IQGAP2: variants seen among roughly 807,000 people sequenced by gnomAD.
IQGAP2 encodes the protein IQ motif containing GTPase activating protein 2.
In IQGAP2, 173 loss-of-function variants were observed where a neutral mutation model predicts 201.3. That is an observed-to-expected ratio of 0.86 (90% CI 0.76 to 0.98). The LOEUF is 0.98. Among genes scored for constraint, IQGAP2 ranks in the 50% least tolerant of loss-of-function variants. The pLI, the probability that IQGAP2 is intolerant of heterozygous loss-of-function variation, is 0.00. For missense variants in IQGAP2, 1,687 were observed against 1,864.8 expected, an observed-to-expected ratio of 0.90 and a Z score of 1.76; for synonymous variants, 675 against 673.9, an observed-to-expected ratio of 1.00 and a Z score of -0.03.
chr5:76,479,395 G>A (rs1451251211), intron 2 of IQGAP2, among the ~76,000 whole-genome samples: 1 of 152,062 alleles, frequency 6.6e-6, no homozygotes, highest in Non-Finnish European at 1.5e-5. Flanking sequence ...CTGTTGGATA[G>A]CCTTTGAATG....
At chr5:76,652,475 A>G (rs1055668688) in intron 17 of IQGAP2, among the ~76,000 whole-genome samples, 1 of 152,198 alleles carries the variant, frequency 6.6e-6, no homozygotes, top group Non-Finnish European at 1.5e-5. Context: ...GGGCCTTGGT[A>G]AAGTTAAGCT....
chr5:76,651,524 G>C (rs1046966497), intron 17 of IQGAP2, among the ~76,000 whole-genome samples: 11 of 152,174 alleles, frequency 7.2e-5, no homozygotes, highest in African/African-American at 2.7e-4. Context: ...GATCAGTTGA[G>C]CCCAGGAGGT....
intron 32 of IQGAP2, among the ~76,000 whole-genome samples, chr5:76,696,029 C>T (rs992174435): frequency 5.3e-5 from 8 of 151,638 alleles, no homozygotes; most frequent in African/African-American, 1.5e-4. Context: ...TTAGTAGAGA[C>T]GGGGTTTCAC....
chr5:76,689,121 G>A (rs565501276), intron 30 of IQGAP2, among the ~76,000 whole-genome samples: 303 of 151,596 alleles, frequency 2.0e-3, no homozygotes, highest in Non-Finnish European at 3.6e-3. Flanking sequence ...GGCACATATC[G>A]GAGTAGGAAG....
rs76969253 is a variant in IQGAP2 at position 76,411,134 on chromosome 5, G to A, written c.46+7543G>A. ...GCCTGTGACGGGGTCTGCAGTCTGAGTTTTAATAGGCCCTCCAGGTGATTC... is the reference window on the plus strand; with the variant it reads ...GCCTGTGACGGGGTCTGCAGTCTGAATTTTAATAGGCCCTCCAGGTGATTC... On this transcript the variant is annotated intron_variant, in intron 1 of 35. Transcript: ENST00000274364. Among the ~76,000 whole-genome samples, 28 of 152,312 alleles carry A rather than the reference G, an allele frequency of 1.8e-4. No individual in the cohort carries two copies. In the East Asian group the frequency reaches 5.0e-3, roughly 27 times the overall value.
chr5:76,667,612 C>T (rs934652101), intron 22 of IQGAP2, among the ~76,000 whole-genome samples: 61 of 152,122 alleles, frequency 4.0e-4, no homozygotes, highest in Admixed American at 3.5e-3. Context: ...CAGGGTTCCA[C>T]GTCCATTTTA....
Position 76,403,440 on chromosome 5 carries a change from G to C in IQGAP2, c.-106G>C. 1 of 831,038 alleles carries C rather than the reference G, an allele frequency of 1.2e-6. No individual in the cohort carries two copies. The highest frequency in any genetic ancestry group is 1.7e-6 in the Non-Finnish European group (1 of 604,614). 51.5% of individuals were successfully genotyped at this position (831,038 alleles called of 1,614,324 possible). A position where few individuals can be genotyped will look rare whatever the true frequency, so the allele number is the denominator to read the frequency against. On this transcript the variant is annotated 5_prime_UTR_variant, in exon 1 of 36. Transcript: ENST00000274364. The surrounding 1 kb of genome is among the most constrained non-coding windows in gnomAD (Gnocchi z 4.8). The stretch of plus-strand genomic sequence containing the variant: ...CTTCGGGCGGCTAGGGGAAATCGGC[G>C]AGAGGCGGGATCCGAGCGCGCCGGC...
intron 2 of IQGAP2, among the ~76,000 whole-genome samples, chr5:76,551,065 C>T (rs1271884707): frequency 4.0e-5 from 6 of 149,556 alleles, no homozygotes; most frequent in East Asian, 4.0e-4. Context: ...GGCTGCCGGG[C>T]GGAGGGGCTC....
chr5:76,428,879 G>A (rs1030017907), intron 1 of IQGAP2, among the ~76,000 whole-genome samples: 2 of 151,712 alleles, frequency 1.3e-5, no homozygotes, highest in African/African-American at 4.8e-5. Flanking sequence ...GATCACCTGA[G>A]GTCAGGAGTT....
intron 1 of IQGAP2, among the ~76,000 whole-genome samples, chr5:76,454,401 C>A (rs935118141): frequency 1.3e-5 from 2 of 151,052 alleles, no homozygotes; most frequent in East Asian, 3.9e-4. Flanking sequence ...TTAACTCGTC[C>A]TTTAGCATTA....
At chr5:76,454,238 A>G (rs1753935945) in intron 1 of IQGAP2, among the ~76,000 whole-genome samples, 1 of 152,112 alleles carries the variant, frequency 6.6e-6, no homozygotes, top group Admixed American at 6.6e-5. Context: ...TAATGTCTCC[A>G]TGGGCTGCTT....
intron 2 of IQGAP2, among the ~76,000 whole-genome samples, chr5:76,488,369 T>C (rs1756303914): frequency 3.3e-5 from 5 of 152,206 alleles, no homozygotes; most frequent in Admixed American, 2.0e-4. Context: ...TTAAATATTC[T>C]TTTTTTAAAA....
chr5:76,463,876 CT>C (rs1468435089), intron 2 of IQGAP2, among the ~76,000 whole-genome samples: 3 of 148,540 alleles, frequency 2.0e-5, no homozygotes, highest in African/African-American at 7.5e-5. Flanking sequence ...GAGATGGAGT[CT>C]CACTCTGTCG....
intron 28 of IQGAP2, among the ~76,000 whole-genome samples, chr5:76,680,794 TAAAAAA>T (rs755958579): frequency 1.0e-3 from 116 of 115,514 alleles, no homozygotes; most frequent in Non-Finnish European, 1.6e-3. Context: ...TTGTCTCATT[TAAAAAA>T]AAAAAAAAAA....
At chr5:76,522,221 C>T (rs545093088) in intron 2 of IQGAP2, among the ~76,000 whole-genome samples, 2 of 148,688 alleles carry the variant, frequency 1.3e-5, no homozygotes, top group African/African-American at 5.0e-5. Flanking sequence ...GTTTCTCTGT[C>T]GCCCAGTCTG....
chr5:76,582,745 A>T (rs150687107), intron 5 of IQGAP2, among the ~76,000 whole-genome samples: 23 of 152,306 alleles, frequency 1.5e-4, no homozygotes, highest in African/African-American at 5.5e-4. Flanking sequence ...GCAGTAATGT[A>T]TGTGACTAAG....
At chr5:76,645,281 G>A (rs1450426218) in intron 17 of IQGAP2, among the ~76,000 whole-genome samples, 1 of 152,088 alleles carries the variant, frequency 6.6e-6, no homozygotes. Flanking sequence ...CCAATCCTTT[G>A]CTATTGTGAA....
chr5:76,607,110 C>T (rs1747864851), intron 12 of IQGAP2: 1 of 152,178 alleles, frequency 6.6e-6, no homozygotes, highest in Non-Finnish European at 1.5e-5. Context: ...TTGCTCCAAG[C>T]TCGCGGATAG....
chr5:76,623,272 G>A (rs1749890510), intron 13 of IQGAP2: 2 of 1,605,316 alleles, frequency 1.2e-6, no homozygotes, highest in African/African-American at 1.3e-5. Flanking sequence ...TATGAAATCT[G>A]TAAAATCATG....
Sources: allele counts gnomAD v4.1 joint callset (sites outside exome capture counted in the v4.1 genomes callset), GRCh38; gene constraint gnomAD v4.1.1; non-coding constraint Gnocchi (gnomAD v3.1); transcripts MANE v1.5; gene names NCBI Gene and HGNC (gene_info 2026-07-23, HGNC 2026-07-21).